TCTN3: variants seen among roughly 807,000 people sequenced by gnomAD.
The protein encoded by TCTN3 is tectonic family member 3.
TCTN3 carries 57 observed loss-of-function variants against 71.3 expected under a neutral mutation model. The observed-to-expected ratio is 0.80, with a 90% CI of 0.65 to 1.00. The LOEUF is 1.00. Among genes scored for constraint, TCTN3 ranks in the 50% least tolerant of loss-of-function variants. TCTN3 has a pLI of 0.00. For synonymous variants in TCTN3, 258 were observed against 267.8 expected (o/e 0.96, Z 0.36); for missense variants, 696 against 719.9 (o/e 0.97, Z 0.38).
chr10:95,668,793 G>A (rs904761389), intron 13 of TCTN3, among the ~76,000 whole-genome samples: 2 of 152,162 alleles, frequency 1.3e-5, no homozygotes, highest in South Asian at 2.1e-4. Flanking sequence ...CGACCACTGC[G>A]GGGCAGCAAC....
At chr10:95,676,473 A>C (rs2097937288) in intron 13 of TCTN3, among the ~76,000 whole-genome samples, 1 of 152,010 alleles carries the variant, frequency 6.6e-6, no homozygotes, top group Non-Finnish European at 1.5e-5. Context: ...CCAAAGTGCT[A>C]GGATTACAGG....
At chr10:95,683,771 T>G in intron 9 of TCTN3, 142 bp from the exon 10 acceptor site, 1 of 572,848 alleles carries the variant, frequency 1.7e-6, no homozygotes, top group East Asian at 3.0e-5. Flanking sequence ...CTTTCCACAG[T>G]GTAGCATTTT....
chr10:95,684,928 A>G (rs1305065278), intron 8 of TCTN3, among the ~76,000 whole-genome samples: 1 of 152,220 alleles, frequency 6.6e-6, no homozygotes, highest in Non-Finnish European at 1.5e-5. Context: ...AGAAACAGGC[A>G]GAGGTGAGCA....
Position 95,680,489 on chromosome 10 carries a change from G to A in TCTN3, c.1573C>T (p.Gln525Ter). 6.2e-7 allele frequency: 1 copy of A among 1,614,008 alleles called. No homozygotes were observed. Among genetic ancestry groups the A allele is most frequent in the Non-Finnish European group, 8.5e-7 (1 of 1,179,950 alleles). ...AHVSGVRFLY[Q>*]CQSIQDSQQV... ...TGACTTACCTGTATAGACTGGCACT[G>A]GTATAGGAATCGAACTCCTGATACA... Residue 525 changes from glutamine to a stop codon, truncating the protein, a stop_gained, in exon 13 of 14, where the codon CAG becomes TAG. Transcript: ENST00000371217. LOFTEE classifies it high-confidence loss of function.
intron 10 of TCTN3, 51 bp downstream of exon 10, chr10:95,683,471 G>T: frequency 6.2e-7 from 1 of 1,613,906 alleles, no homozygotes; most frequent in South Asian, 1.1e-5. Flanking sequence ...GAAAGCCTTT[G>T]CAGCTTTTCT....
At chr10:95,688,372 A>G (rs1474853046) in intron 3 of TCTN3, among the ~76,000 whole-genome samples, 2 of 148,102 alleles carry the variant, frequency 1.4e-5, no homozygotes, top group African/African-American at 2.5e-5. Context: ...CCTGGGCAAC[A>G]AGAGCGAAAC....
intron 13 of TCTN3, among the ~76,000 whole-genome samples, chr10:95,675,124 G>A (rs567599960): frequency 5.5e-4 from 83 of 152,234 alleles, no homozygotes; most frequent in East Asian, 1.9e-4. Context: ...ACAGGGTCTC[G>A]CTCTTTTACC....
chr10:95,689,577 T>C (rs1220044567), intron 3 of TCTN3, among the ~76,000 whole-genome samples: 1 of 152,216 alleles, frequency 6.6e-6, no homozygotes, highest in Non-Finnish European at 1.5e-5. Flanking sequence ...GCAAAATATC[T>C]ATCTGGCTAT....
At chr10:95,667,359 T>C (rs1368958932) in intron 13 of TCTN3, among the ~76,000 whole-genome samples, 1 of 152,010 alleles carries the variant, frequency 6.6e-6, no homozygotes, top group African/African-American at 2.4e-5. Flanking sequence ...GGAGACATCA[T>C]AATATGCAAA....
intron 3 of TCTN3, 42 bp downstream of exon 3, chr10:95,692,878 C>A (rs769298661): frequency 1.4e-6 from 2 of 1,420,466 alleles, no homozygotes; most frequent in Admixed American, 1.7e-5. Context: ...ATATAACACT[C>A]CTGTGTTAGA....
chr10:95,693,669 C>G lies in TCTN3; in HGVS notation c.231G>C (p.Gly77=), dbSNP rs2097955860. ...CTGGGAAGAGGTCCACAGTCCTATT[C>G]CCAGGGGCCGAGGGAGTCACGAGAG... is the stretch of plus-strand genomic sequence containing the variant. The part of the protein sequence containing the change: ...VPTLVTPSAP[G]NRTVDLFPVL... Residue 77 remains glycine (G), a synonymous_variant, in exon 1 of 14, where the codon GGG becomes GGC. Transcript: ENST00000371217. 1 of 1,551,686 alleles carries G rather than the reference C, an allele frequency of 6.4e-7. No homozygotes were observed. The highest frequency in any genetic ancestry group is 1.4e-5 in the African/African-American group (1 of 73,172).
At chr10:95,678,491 C>T (rs2097939642) in intron 13 of TCTN3, among the ~76,000 whole-genome samples, 1 of 148,434 alleles carries the variant, frequency 6.7e-6, no homozygotes, top group East Asian at 2.0e-4. Flanking sequence ...CGAGATCACA[C>T]CACTGTACTC....
intron 4 of TCTN3, 110 bp from the exon 5 acceptor site, chr10:95,687,465 A>G (rs952454625): frequency 6.6e-7 from 1 of 1,512,252 alleles, no homozygotes; most frequent in Admixed American, 1.9e-5. Flanking sequence ...CGTGGACAGT[A>G]CTGCCCTCCA....
At chr10:95,685,466 G>T in intron 8 of TCTN3, 90 bp downstream of exon 8, 1 of 982,754 alleles carries the variant, frequency 1.0e-6, no homozygotes, top group Non-Finnish European at 1.5e-6. Context: ...AAATTCAGTT[G>T]GGTCAGTCTG....
chr10:95,680,345 T>G, intron 13 of TCTN3, 127 bp downstream of exon 13: 1 of 1,192,084 alleles, frequency 8.4e-7, no homozygotes, highest in South Asian at 1.6e-5. Flanking sequence ...TCAGCTCACT[T>G]TAAACAAACA....
In TCTN3 at chr10:95,682,817, A is replaced by C. The variant is rs762818343; in HGVS notation, c.1299-13T>G. ...TGCCTTCTTCAACCTATAATTAAACACCATGGAGGCTGCAGTCCAATGCTA... is the reference window on the plus strand; with the variant it reads ...TGCCTTCTTCAACCTATAATTAAACCCCATGGAGGCTGCAGTCCAATGCTA... On this transcript the variant is annotated splice_polypyrimidine_tract_variant and intron_variant, in intron 11 of 13. Transcript: ENST00000371217. 6.2e-7 allele frequency: 1 copy of C among 1,612,064 alleles called. No homozygotes were observed. The highest frequency in any genetic ancestry group is 8.5e-7 in the Non-Finnish European group (1 of 1,179,222).
intron 13 of TCTN3, among the ~76,000 whole-genome samples, chr10:95,672,543 T>A (rs2097932664): frequency 6.6e-6 from 1 of 152,150 alleles, no homozygotes. Flanking sequence ...ATTGTCAGTC[T>A]TTTTTGTTTT....
chr10:95,688,975 T>C (rs1397023291), intron 3 of TCTN3, among the ~76,000 whole-genome samples: 3 of 152,224 alleles, frequency 2.0e-5, no homozygotes, highest in Non-Finnish European at 4.4e-5. Context: ...TGGTCATTTG[T>C]ACAGAGTAAA....
chr10:95,677,486 T>TG (rs368599053), intron 13 of TCTN3, among the ~76,000 whole-genome samples: 27,788 of 133,728 alleles, frequency 0.21, 3,572 homozygotes, highest in African/African-American at 0.33. Context: ...TTTTTTTGTT[T>TG]TTTTTTTTTT....
Sources: allele counts gnomAD v4.1 joint callset (sites outside exome capture counted in the v4.1 genomes callset), GRCh38; gene constraint gnomAD v4.1.1; transcripts MANE v1.5; gene names NCBI Gene and HGNC (gene_info 2026-07-23, HGNC 2026-07-21).